MTUS2: variants seen among roughly 807,000 people sequenced by gnomAD.
The protein encoded by MTUS2 is microtubule associated scaffold protein 2.
MTUS2 carries 40 observed loss-of-function variants against 114.1 expected under a neutral mutation model. The ratio of observed to expected loss-of-function variants is 0.35; its 90% CI spans 0.27 to 0.46. The LOEUF (loss-of-function observed/expected upper bound fraction) is 0.46. Ranked by LOEUF, MTUS2 falls within the 20% of genes least tolerant of loss-of-function variation. The pLI is 1.00. For synonymous variants in MTUS2, 688 were observed against 672.0 expected, an observed-to-expected ratio of 1.02 and a Z score of -0.37; for missense variants, 1,679 against 1,705.4, an observed-to-expected ratio of 0.98 and a Z score of 0.27.
At chr13:29,464,034 C>T (rs1389100403) in intron 9 of MTUS2, among the ~76,000 whole-genome samples, 3 of 152,192 alleles carry the variant, frequency 2.0e-5, no homozygotes, top group African/African-American at 4.8e-5. Context: ...TAGATGTTGG[C>T]TGGTGGAGAT....
At chr13:29,411,486 T>TA (rs1875235753) in intron 8 of MTUS2, among the ~76,000 whole-genome samples, 1 of 152,246 alleles carries the variant, frequency 6.6e-6, no homozygotes, top group Admixed American at 6.5e-5. Flanking sequence ...TTGTGGTATG[T>TA]TTTAATGTCT....
chr13:29,107,919 A>T (rs1436809757), intron 5 of MTUS2, among the ~76,000 whole-genome samples: 1 of 152,072 alleles, frequency 6.6e-6, no homozygotes, highest in Admixed American at 6.5e-5. Context: ...TTAATTATTG[A>T]ATAGGATTTG....
intron 2 of MTUS2, among the ~76,000 whole-genome samples, chr13:28,997,259 A>G (rs1336240796): frequency 6.6e-6 from 1 of 152,124 alleles, no homozygotes; most frequent in Non-Finnish European, 1.5e-5. Context: ...GGTCTGAGAG[A>G]CAGTTTGTTA....
chr13:29,459,097 G>A lies in MTUS2; in HGVS notation c.3184+19048G>A, dbSNP rs112110294. On this transcript the variant is annotated intron_variant, in intron 9 of 15. Coordinates refer to ENST00000612955, the MANE Select transcript of MTUS2 (RefSeq NM_001033602.4). The stretch of plus-strand genomic sequence containing the variant: ...GTTGCACACGTCACTTCTTCGCATC[G>A]CTTGGACCCAAGCGGAGTCACTTGC... 3.6e-3 allele frequency among the ~76,000 whole-genome samples: 553 copies of A among 152,330 alleles called. 4 individuals carry two copies. Among genetic ancestry groups the A allele is most frequent in the African/African-American group, 0.012 (519 of 41,588 alleles).
intron 6 of MTUS2, among the ~76,000 whole-genome samples, chr13:29,312,172 A>G (rs992412345): frequency 2.0e-5 from 3 of 152,170 alleles, no homozygotes; most frequent in African/African-American, 7.2e-5. Context: ...CCATGCTCCC[A>G]GAGAGAAATC....
intron 2 of MTUS2, among the ~76,000 whole-genome samples, chr13:28,920,146 T>C (rs115142611): frequency 6.6e-6 from 1 of 152,342 alleles, no homozygotes; most frequent in African/African-American, 2.4e-5. Flanking sequence ...ATCAGTAACA[T>C]TGATGAGTTA....
intron 2 of MTUS2, among the ~76,000 whole-genome samples, chr13:28,946,287 GTGTGTGTGTGTGTGTGT>G (rs1882524956): frequency 9.2e-5 from 14 of 151,762 alleles, no homozygotes; most frequent in African/African-American, 3.4e-4. Context: ...GTGTGTGTGT[GTGTGTGTGTGTGTGTGT>G]GCGCGCGCAC....
chr13:28,940,394 A>T (rs1460086806), intron 2 of MTUS2, among the ~76,000 whole-genome samples: 4 of 152,246 alleles, frequency 2.6e-5, no homozygotes, highest in African/African-American at 9.6e-5. Context: ...TTCCATTTAT[A>T]TGGAATATAC....
At chr13:29,123,536 G>A (rs1231295727) in intron 5 of MTUS2, among the ~76,000 whole-genome samples, 1 of 152,118 alleles carries the variant, frequency 6.6e-6, no homozygotes, top group East Asian at 1.9e-4. Flanking sequence ...GGCCAACATG[G>A]TGAAACCTTG....
At chr13:29,064,119 G>A (rs759361746) in intron 4 of MTUS2, among the ~76,000 whole-genome samples, 1 of 152,226 alleles carries the variant, frequency 6.6e-6, no homozygotes, top group Non-Finnish European at 1.5e-5. Flanking sequence ...AAGAATGTTA[G>A]CGGGCAGCTT....
At chr13:29,081,576 G>A (rs1315843196) in intron 4 of MTUS2, among the ~76,000 whole-genome samples, 1 of 148,254 alleles carries the variant, frequency 6.7e-6, no homozygotes, top group Non-Finnish European at 1.5e-5. Flanking sequence ...TTAGGTTGGT[G>A]CAAAAGTAAT....
intron 4 of MTUS2, among the ~76,000 whole-genome samples, chr13:29,080,595 A>G (rs1345045146): frequency 1.3e-5 from 2 of 152,202 alleles, no homozygotes; most frequent in Non-Finnish European, 2.9e-5. Flanking sequence ...CTTGGAGGCT[A>G]AGCCAGTCTG....
At chr13:29,192,553 C>G (rs774761575) in intron 5 of MTUS2, among the ~76,000 whole-genome samples, 1 of 152,018 alleles carries the variant, frequency 6.6e-6, no homozygotes, top group Admixed American at 6.6e-5. Flanking sequence ...AGTAAATGTT[C>G]CCAACACAAA....
intron 2 of MTUS2, among the ~76,000 whole-genome samples, chr13:29,017,993 C>T (rs1393948926): frequency 6.6e-6 from 1 of 152,128 alleles, no homozygotes; most frequent in Non-Finnish European, 1.5e-5. Context: ...ATGACAGTTC[C>T]AAAAGGAAAG....
chr13:29,485,488 C>G (rs1198138343), intron 10 of MTUS2, among the ~76,000 whole-genome samples: 1 of 152,186 alleles, frequency 6.6e-6, no homozygotes, highest in African/African-American at 2.4e-5. Context: ...GATTTTTTGA[C>G]TCATGGGCTC....
chr13:29,316,872 A>G (rs1183599379), intron 6 of MTUS2, among the ~76,000 whole-genome samples: 3 of 152,108 alleles, frequency 2.0e-5, no homozygotes, highest in Admixed American at 2.0e-4. Flanking sequence ...TATGATAAAT[A>G]TTTCCCCCAA....
intron 2 of MTUS2, among the ~76,000 whole-genome samples, chr13:28,970,068 C>T (rs1883783137): frequency 6.6e-6 from 1 of 152,160 alleles, no homozygotes; most frequent in African/African-American, 2.4e-5. Context: ...GTGTGAACCA[C>T]CACACCTGGC....
intron 2 of MTUS2, among the ~76,000 whole-genome samples, chr13:28,906,197 A>G (rs1267558465): frequency 2.0e-5 from 3 of 151,416 alleles, no homozygotes; most frequent in African/African-American, 4.9e-5. Flanking sequence ...GATCTTTTCA[A>G]AAATCCAGCT....
At chr13:29,314,254 A>AG (rs1899894158) in intron 6 of MTUS2, among the ~76,000 whole-genome samples, 1 of 152,196 alleles carries the variant, frequency 6.6e-6, no homozygotes, top group Non-Finnish European at 1.5e-5. Context: ...AACCACACTG[A>AG]GGTATAACCT....
Sources: allele counts gnomAD v4.1 joint callset (sites outside exome capture counted in the v4.1 genomes callset), GRCh38; gene constraint gnomAD v4.1.1; transcripts MANE v1.5; gene names NCBI Gene and HGNC (gene_info 2026-07-23, HGNC 2026-07-21).